Variants in GPC3 observed in about 807,000 individuals in gnomAD.
The protein encoded by GPC3 is glypican-3.
A neutral mutation model predicts 34.4 loss-of-function variants in GPC3; 3 were observed. The observed-to-expected ratio is 0.09, with a 90% CI of 0.04 to 0.23. The LOEUF (loss-of-function observed/expected upper bound fraction) is 0.23. Among genes scored for constraint, GPC3 ranks in the 10% least tolerant of loss-of-function variants. The pLI, the probability that GPC3 is intolerant of heterozygous loss-of-function variation, is 1.00. For synonymous variants in GPC3, 177 were observed against 174.0 expected, an observed-to-expected ratio of 1.02 and a Z score of -0.13; for missense variants, 351 against 445.6, an observed-to-expected ratio of 0.79 and a Z score of 1.91.
At chrX:133,813,096 C>A (rs2075673085) in intron 2 of GPC3, among the ~76,000 whole-genome samples, 1 of 112,771 alleles carries the variant, frequency 8.9e-6, no homozygotes, top group African/African-American at 3.2e-5. Flanking sequence ...GGGGTGGGAG[C>A]TCCTGACAGA....
intron 3 of GPC3, among the ~76,000 whole-genome samples, chrX:133,734,606 A>G (rs765264404): frequency 5.3e-4 from 59 of 110,727 alleles, no homozygotes; most frequent in Non-Finnish European, 8.5e-4. Context: ...GAAGGGAAGG[A>G]AAGAAAAAGA....
In GPC3 at chrX:133,985,478, G is replaced by A. The variant is rs946947392; in HGVS notation, c.-29C>T. 1.7e-6 allele frequency: 2 copies of A among 1,156,088 alleles called. No homozygotes were observed. The highest frequency in any genetic ancestry group is 2.3e-6 in the Non-Finnish European group (2 of 864,211). On this transcript the variant is annotated 5_prime_UTR_variant, in exon 1 of 8. Coordinates refer to ENST00000370818, the MANE Select transcript of GPC3 (RefSeq NM_004484.4). ...GCTTCGCAGGGAGCTAGGAGAGCGC[G>A]GGAGAGTGGCAGCCGGAGCGAGAGC...
intron 7 of GPC3, among the ~76,000 whole-genome samples, chrX:133,568,251 C>T (rs2069598397): frequency 8.9e-6 from 1 of 111,956 alleles, no homozygotes; most frequent in Non-Finnish European, 1.9e-5. Flanking sequence ...CTGGAAAACA[C>T]TTTGCACATC....
intron 2 of GPC3, among the ~76,000 whole-genome samples, chrX:133,909,834 A>C (rs1248445758): frequency 2.7e-5 from 3 of 111,546 alleles, no homozygotes; most frequent in Non-Finnish European, 3.8e-5. Flanking sequence ...AAGGACTCCC[A>C]GTGAAGCCTG....
chrX:133,624,968 C>T (rs770364212), intron 6 of GPC3, among the ~76,000 whole-genome samples: 27 of 111,884 alleles, frequency 2.4e-4, no homozygotes, highest in Middle Eastern at 4.6e-3. Flanking sequence ...TTATCCACCA[C>T]GATCAAGTTG....
chrX:133,566,108 T>C lies in GPC3; in HGVS notation c.1574-29815A>G, dbSNP rs112087277. Among the ~76,000 whole-genome samples, 546 of 112,501 alleles carry C rather than the reference T, an allele frequency of 4.9e-3. 6 individuals are homozygous for C. Among genetic ancestry groups the C allele is most frequent in the African/African-American group, 0.017 (519 of 31,007 alleles). ...TTTCTAAATAAAGCAGTCAGGTCCA[T>C]GAACAGATTGGCCATGGAACTTCCT... On this transcript the variant is annotated intron_variant, in intron 7 of 7. Transcript: ENST00000370818.
At chrX:133,668,550 G>T (rs1056297169) in intron 5 of GPC3, among the ~76,000 whole-genome samples, 2 of 101,941 alleles carry the variant, frequency 2.0e-5, no homozygotes, top group Non-Finnish European at 4.0e-5. Context: ...GGCTTGGTTA[G>T]TTTTTTTTTT....
At chrX:133,959,841 G>A (rs1309914980) in intron 1 of GPC3, among the ~76,000 whole-genome samples, 3 of 112,250 alleles carry the variant, frequency 2.7e-5, no homozygotes, top group Non-Finnish European at 3.8e-5. Flanking sequence ...AATATGCAGT[G>A]TATTTTCTGA....
chrX:133,687,092 ATTTTTT>A (rs775110101), intron 5 of GPC3, among the ~76,000 whole-genome samples: 16 of 69,249 alleles, frequency 2.3e-4, no homozygotes, highest in East Asian at 9.8e-4. Context: ...TGGCCGGCTA[ATTTTTT>A]TTTTTTTTTT....
intron 7 of GPC3, among the ~76,000 whole-genome samples, chrX:133,585,317 T>C (rs1051019808): frequency 2.7e-5 from 3 of 111,497 alleles, no homozygotes. Context: ...TTGGAGGGCA[T>C]TGGATGGCTC....
At chrX:133,684,712 A>G (rs1287486466) in intron 5 of GPC3, among the ~76,000 whole-genome samples, 1 of 111,000 alleles carries the variant, frequency 9.0e-6, no homozygotes, top group Non-Finnish European at 1.9e-5. Flanking sequence ...GCCACCCTAT[A>G]AATTAAAAAA....
chrX:133,954,469 G>T (rs979491151), intron 1 of GPC3, among the ~76,000 whole-genome samples: 1 of 110,944 alleles, frequency 9.0e-6, no homozygotes, highest in Non-Finnish European at 1.9e-5. Context: ...CCACCTCCTG[G>T]GTTCAAGCGA....
intron 5 of GPC3, among the ~76,000 whole-genome samples, chrX:133,687,735 T>G (rs940194717): frequency 9.0e-6 from 1 of 111,550 alleles, no homozygotes; most frequent in Non-Finnish European, 1.9e-5. Context: ...CTATCAGATA[T>G]TAAATGTAAA....
At chrX:133,552,565 C>G (rs976498291) in intron 7 of GPC3, among the ~76,000 whole-genome samples, 13 of 111,816 alleles carry the variant, frequency 1.2e-4, no homozygotes, top group Non-Finnish European at 2.3e-4. Context: ...GAATACATAT[C>G]AAGCAATACG....
intron 7 of GPC3, among the ~76,000 whole-genome samples, chrX:133,564,187 T>C (rs193230460): frequency 2.7e-5 from 3 of 111,828 alleles, no homozygotes; most frequent in African/African-American, 9.7e-5. Context: ...ATTGTTATGC[T>C]TCTATCTGGG....
At chrX:133,706,387 A>G (rs2071217796) in intron 3 of GPC3, among the ~76,000 whole-genome samples, 1 of 112,271 alleles carries the variant, frequency 8.9e-6, no homozygotes, top group Non-Finnish European at 1.9e-5. Flanking sequence ...CTGCACAGCA[A>G]GAGAAACTAT....
chrX:133,582,641 T>G (rs1340005088), intron 7 of GPC3, among the ~76,000 whole-genome samples: 2 of 112,165 alleles, frequency 1.8e-5, no homozygotes. Context: ...TTTTTTTTGG[T>G]CATTTTCTTT....
chrX:133,538,511 C>T (rs889525937), intron 7 of GPC3, among the ~76,000 whole-genome samples: 9 of 111,550 alleles, frequency 8.1e-5, no homozygotes, highest in African/African-American at 2.6e-4. Flanking sequence ...CACTACTCAG[C>T]TCCTACACTG....
At chrX:133,537,635 A>G (rs985406569) in intron 7 of GPC3, among the ~76,000 whole-genome samples, 1 of 111,871 alleles carries the variant, frequency 8.9e-6, no homozygotes, top group African/African-American at 3.2e-5. Flanking sequence ...ATTGCAATCT[A>G]TATTGCCACC....
Sources: allele counts gnomAD v4.1 joint callset (sites outside exome capture counted in the v4.1 genomes callset), GRCh38; gene constraint gnomAD v4.1.1; transcripts MANE v1.5; gene names NCBI Gene and HGNC (gene_info 2026-07-23, HGNC 2026-07-21).